The following DLGAP5 variants were observed in gnomAD, a reference collection of about 807,000 sequenced individuals.
DLGAP5 encodes the protein disks large-associated protein 5.
DLGAP5 carries 90 observed loss-of-function variants against 99.6 expected under a neutral mutation model. The observed-to-expected ratio is 0.90, with a 90% CI of 0.76 to 1.08. The LOEUF (loss-of-function observed/expected upper bound fraction) is 1.08. Among genes scored for constraint, DLGAP5 ranks in the 50% least tolerant of loss-of-function variants. The pLI is 0.00. For synonymous variants in DLGAP5, 311 were observed against 321.3 expected, an observed-to-expected ratio of 0.97 and a Z score of 0.34; for missense variants, 1,036 against 983.5, an observed-to-expected ratio of 1.05 and a Z score of -0.71.
At chr14:55,190,489 T>C (rs1490506440) in intron 1 of DLGAP5, among the ~76,000 whole-genome samples, 1 of 152,096 alleles carries the variant, frequency 6.6e-6, no homozygotes, top group Non-Finnish European at 1.5e-5. Context: ...TATAGAGAAC[T>C]ACCAAGCCAA....
chr14:55,168,288 C>A (rs1882715415), intron 12 of DLGAP5, among the ~76,000 whole-genome samples: 1 of 152,152 alleles, frequency 6.6e-6, no homozygotes, highest in Non-Finnish European at 1.5e-5. Flanking sequence ...CCTATTGTAT[C>A]TTACATTTCT....
At chr14:55,158,300 A>C (rs558302008) in intron 14 of DLGAP5, among the ~76,000 whole-genome samples, 2 of 152,242 alleles carry the variant, frequency 1.3e-5, no homozygotes, top group Admixed American at 6.5e-5. Flanking sequence ...AAGCAATCTT[A>C]GAAGACTTAT....
intron 2 of DLGAP5, among the ~76,000 whole-genome samples, chr14:55,186,475 T>C (rs1487395335): frequency 2.0e-5 from 3 of 152,208 alleles, no homozygotes; most frequent in Non-Finnish European, 4.4e-5. Flanking sequence ...TATTTGAATG[T>C]CTTTTTAAAT....
intron 12 of DLGAP5, among the ~76,000 whole-genome samples, chr14:55,166,398 T>C (rs567650220): frequency 3.3e-4 from 51 of 152,274 alleles, no homozygotes; most frequent in Non-Finnish European, 6.2e-4. Flanking sequence ...GAAATGGGGA[T>C]TGACTGCAAA....
intron 7 of DLGAP5, among the ~76,000 whole-genome samples, chr14:55,178,091 A>C (rs1883145022): frequency 6.6e-6 from 1 of 151,610 alleles, no homozygotes. Flanking sequence ...TCTTTGCTAA[A>C]AATACAAAAA....
chr14:55,169,744 G>A (rs1229719425), intron 11 of DLGAP5, among the ~76,000 whole-genome samples, 185 bp from the exon 12 acceptor site: 1 of 152,126 alleles, frequency 6.6e-6, no homozygotes, highest in Non-Finnish European at 1.5e-5. Flanking sequence ...TTCAATTCCT[G>A]CTCAAAATTA....
intron 14 of DLGAP5, among the ~76,000 whole-genome samples, chr14:55,155,191 A>G (rs1882166708): frequency 6.9e-6 from 1 of 143,906 alleles, no homozygotes; most frequent in African/African-American, 2.6e-5. Context: ...CGCCTGGCTA[A>G]TTTTTGTATT....
At chr14:55,163,559 G>A (rs373073601) in intron 12 of DLGAP5, among the ~76,000 whole-genome samples, 5 of 152,190 alleles carry the variant, frequency 3.3e-5, no homozygotes, top group Non-Finnish European at 7.3e-5. Context: ...TTGCTAGATC[G>A]TATGGTAGGA....
At chr14:55,160,752 T>C (rs1261542567) in intron 13 of DLGAP5, among the ~76,000 whole-genome samples, 1 of 152,106 alleles carries the variant, frequency 6.6e-6, no homozygotes, top group Non-Finnish European at 1.5e-5. Context: ...CTAGAAGAGT[T>C]AGAATTTAAA....
At chr14:55,165,044 A>G (rs892469896) in intron 12 of DLGAP5, among the ~76,000 whole-genome samples, 6 of 152,200 alleles carry the variant, frequency 3.9e-5, no homozygotes, top group Non-Finnish European at 7.3e-5. Context: ...TTTGCAAATA[A>G]TATTTCTCAT....
rs551033693 is a variant in DLGAP5, at chr14:55,182,799, T to C, written c.433-367A>G. On this transcript the variant is annotated intron_variant, in intron 3 of 18. Transcript: ENST00000247191. ...TAGAGCCCACTTTTTCATAATTTTATATATCCTTATTGGAATGGTCTCATT... is the reference window on the plus strand; with the variant it reads ...TAGAGCCCACTTTTTCATAATTTTACATATCCTTATTGGAATGGTCTCATT... Among the ~76,000 whole-genome samples, 309 of 152,316 alleles carry C rather than the reference T, an allele frequency of 2.0e-3. 3 individuals are homozygous for C. The highest frequency in any genetic ancestry group is 7.2e-3 in the African/African-American group (299 of 41,576).
At position 55,188,973 on chromosome 14, in the gene DLGAP5, C is replaced by T. The variant is rs1883518034; in HGVS notation, c.207G>A (p.Gly69=). Residue 69 remains glycine, a synonymous_variant, in exon 2 of 19, where the codon GGG becomes GGA. Transcript: ENST00000247191. ...TAACATTGGTCTTTTCTGGAACAAG[C>T]CCTTGAGATGTCTCATCTAATTCAA... is the stretch of plus-strand genomic sequence containing the variant. ...ILVELDETSQ[G]LVPEKTNVKP... 1.2e-6 allele frequency: 2 copies of T among 1,613,562 alleles called. No individual in the cohort carries two copies. Among genetic ancestry groups the T allele is most frequent in the African/African-American group, 1.3e-5 (1 of 74,952 alleles).
chr14:55,152,038 G>A (rs1882037182), intron 16 of DLGAP5, 97 bp from the exon 17 acceptor site: 1 of 1,176,442 alleles, frequency 8.5e-7, no homozygotes, highest in African/African-American at 1.6e-5. Flanking sequence ...AAAACAGAAG[G>A]ATGACATCCC....
intron 10 of DLGAP5, among the ~76,000 whole-genome samples, chr14:55,172,309 G>A (rs533618094): frequency 8.6e-5 from 10 of 116,640 alleles, no homozygotes; most frequent in East Asian, 2.4e-4. Context: ...GAAACATGGC[G>A]AAAACCAATC....
intron 14 of DLGAP5, among the ~76,000 whole-genome samples, chr14:55,156,007 C>T (rs1207918079): frequency 2.6e-5 from 4 of 151,812 alleles, no homozygotes; most frequent in Non-Finnish European, 4.4e-5. Context: ...AGGAGAATGG[C>T]GTGAACCCAG....
At chr14:55,154,024 C>G (rs1441268720) in intron 15 of DLGAP5, among the ~76,000 whole-genome samples, 1 of 152,116 alleles carries the variant, frequency 6.6e-6, no homozygotes, top group Non-Finnish European at 1.5e-5. Context: ...CCACTGCACT[C>G]CAGCCTAGGC....
At position 55,179,629 on chromosome 14, in the gene DLGAP5, C is replaced by T. The variant is rs1306838203; in HGVS notation, c.774G>A (p.Lys258=). 2 of 1,609,836 alleles carry T rather than the reference C, an allele frequency of 1.2e-6. No homozygotes were observed. Among genetic ancestry groups the T allele is most frequent in the African/African-American group, 2.7e-5 (2 of 74,770 alleles). ...PAKNVETKPD[K]GISCKVDSEE... ...AATTAAAAAGATGTTTATTCTCTAC[C>T]TTGTCGGGTTTTGTTTCTACATTTT... The change falls in exon 7 of 19, where the codon AAG becomes AAA. Residue 258 remains lysine, a splice_region_variant and synonymous_variant. Coordinates refer to ENST00000247191, the MANE Select transcript of DLGAP5 (RefSeq NM_014750.5).
intron 16 of DLGAP5, 74 bp downstream of exon 16, chr14:55,152,516 T>C: frequency 8.4e-7 from 1 of 1,183,560 alleles, no homozygotes; most frequent in African/African-American, 1.6e-5. Context: ...GGGGATGCTT[T>C]ACAAAGTTAC....
chr14:55,173,028 G>T (rs1882916191), intron 10 of DLGAP5, among the ~76,000 whole-genome samples: 2 of 147,902 alleles, frequency 1.4e-5, no homozygotes, highest in Middle Eastern at 3.3e-3. Context: ...AAATGGTTTA[G>T]TTCTGACATT....
Sources: allele counts gnomAD v4.1 joint callset (sites outside exome capture counted in the v4.1 genomes callset), GRCh38; gene constraint gnomAD v4.1.1; transcripts MANE v1.5; gene names NCBI Gene and HGNC (gene_info 2026-07-23, HGNC 2026-07-21).